The following ABCC1 variants were observed in gnomAD, a reference collection of about 807,000 sequenced individuals.
ABCC1 encodes the protein multidrug resistance-associated protein 1.
A neutral mutation model predicts 172.9 loss-of-function variants in ABCC1; 83 were observed. The observed-to-expected ratio is 0.48, with a 90% confidence interval of 0.40 to 0.58. The LOEUF (loss-of-function observed/expected upper bound fraction) is 0.58, where lower values mean the gene tolerates loss of function less well. Among genes scored for constraint, ABCC1 ranks in the 20% least tolerant of loss-of-function variants. The pLI, the probability that ABCC1 is intolerant of heterozygous loss-of-function variation, is 0.00. For missense variants in ABCC1, 1,817 were observed against 2,002.7 expected (o/e 0.91, Z 1.77); for synonymous variants, 937 against 825.2 (o/e 1.14, Z -2.32).
At chr16:15,977,756 T>C (rs1252488472) in intron 1 of ABCC1, among the ~76,000 whole-genome samples, 1 of 152,134 alleles carries the variant, frequency 6.6e-6, no homozygotes, top group Non-Finnish European at 1.5e-5. Flanking sequence ...CCAACCCTTC[T>C]TAGATTTTAC....
At chr16:16,138,695 T>G in intron 30 of ABCC1, 137 bp downstream of exon 30, 2 of 523,814 alleles carry the variant, frequency 3.8e-6, no homozygotes, top group Non-Finnish European at 6.1e-6. Flanking sequence ...CTCTTCATCC[T>G]GGATGGTACC....
At chr16:15,973,401 G>C (rs888074176) in intron 1 of ABCC1, among the ~76,000 whole-genome samples, 3 of 152,064 alleles carry the variant, frequency 2.0e-5, no homozygotes, top group Non-Finnish European at 4.4e-5. Flanking sequence ...TAGAGGCCAG[G>C]GGGTGTGCTA....
rs1227714035 is a variant in ABCC1, at chr16:16,038,575, T to G, written c.809+1972T>G. Among the ~76,000 whole-genome samples the G allele has an allele frequency of 3.9e-5, 6 of 152,168 alleles. No homozygotes were observed. The East Asian group carries it at 1.2e-3, about 29-fold the overall frequency. On this transcript the variant is annotated intron_variant, in intron 7 of 30. Coordinates refer to ENST00000399410, the MANE Select transcript of ABCC1 (RefSeq NM_004996.4). ...CACCCACATGGGGCGAGGATGGATCTTCCTTAGTCAGTCCACTCATTCAAA... is the reference window on the plus strand; with the variant it reads ...CACCCACATGGGGCGAGGATGGATCGTCCTTAGTCAGTCCACTCATTCAAA...
intron 12 of ABCC1, among the ~76,000 whole-genome samples, chr16:16,058,510 G>C (rs1221009027): frequency 1.3e-5 from 2 of 152,310 alleles, no homozygotes; most frequent in Admixed American, 1.3e-4. Context: ...AGCTGTTTCA[G>C]CATTTGCGAA....
chr16:16,098,382 G>A, intron 19 of ABCC1: 1 of 200,440 alleles, frequency 5.0e-6, no homozygotes, highest in South Asian at 1.0e-4. Context: ...ACTTTGGGAG[G>A]CCAAGGCAGG....
At chr16:16,019,393 C>G (rs953084318) in intron 5 of ABCC1, among the ~76,000 whole-genome samples, 1 of 152,098 alleles carries the variant, frequency 6.6e-6, no homozygotes, top group African/African-American at 2.4e-5. Context: ...TGTGAGCCAC[C>G]GTGTCTGGCC....
At chr16:16,047,836 C>T (rs1222867628) in intron 9 of ABCC1, among the ~76,000 whole-genome samples, 1 of 149,880 alleles carries the variant, frequency 6.7e-6, no homozygotes, top group African/African-American at 2.5e-5. Flanking sequence ...CCCCCCACCA[C>T]TCCCCCCAGA....
intron 28 of ABCC1, among the ~76,000 whole-genome samples, chr16:16,135,380 C>T (rs983970729): frequency 3.9e-5 from 6 of 152,172 alleles, no homozygotes; most frequent in Admixed American, 3.9e-4. Flanking sequence ...ACCATGAGTA[C>T]CCAGAGTTTA....
chr16:16,020,703 T>C (rs552072232), intron 5 of ABCC1, among the ~76,000 whole-genome samples: 4 of 152,176 alleles, frequency 2.6e-5, no homozygotes, highest in Non-Finnish European at 5.9e-5. Context: ...TTGTCCCCTT[T>C]CCATTTGCAG....
Position 16,121,885 on chromosome 16 carries a change from T to G in ABCC1, c.3391-90T>G, listed in dbSNP as rs1207082933. ...CATTTTGCCTCCTGGAGGTATCGGT[T>G]ACGTCTAGATGTTCTCCAGCACAGC... On this transcript the variant is annotated intron_variant, in intron 23 of 30. Transcript: ENST00000399410. The G allele has an allele frequency of 2.1e-6, 3 of 1,418,970 alleles. No individual in the cohort carries two copies. The African/African-American group carries it at 4.2e-5, about 20-fold the overall frequency. The allele number at this position is 1,418,970 out of a possible 1,614,324, so 87.9% of individuals were successfully genotyped here. A position where few individuals can be genotyped will look rare whatever the true frequency, so the allele number is the denominator to read the frequency against.
chr16:16,008,739 A>T lies in ABCC1; in HGVS notation c.225+747A>T, dbSNP rs942209899. Among the ~76,000 whole-genome samples, 10 of 148,694 alleles carry T rather than the reference A, an allele frequency of 6.7e-5. No individual in the cohort carries two copies. In the East Asian group the frequency reaches 8.2e-4, roughly 12 times the overall value. ...GTGCCTGTAATCTTAGCAACTTGGG[A>T]GGCTGAGGTGGGAGGATCCCTTGAA... is the stretch of plus-strand genomic sequence containing the variant. On this transcript the variant is annotated intron_variant, in intron 2 of 30. Coordinates refer to ENST00000399410, the MANE Select transcript of ABCC1 (RefSeq NM_004996.4).
intron 7 of ABCC1, among the ~76,000 whole-genome samples, chr16:16,042,408 A>G (rs2049012147): frequency 1.3e-5 from 2 of 152,174 alleles, no homozygotes; most frequent in South Asian, 4.1e-4. Flanking sequence ...GTGATGTACA[A>G]GAACGAACTA....
chr16:16,030,244 TG>T (rs1278471844), intron 5 of ABCC1, among the ~76,000 whole-genome samples: 4 of 152,158 alleles, frequency 2.6e-5, no homozygotes, highest in Non-Finnish European at 1.5e-5. Flanking sequence ...CATGTAAGGC[TG>T]GGCGCAGTGG....
At chr16:16,099,746 G>T (rs2283515) in intron 19 of ABCC1, among the ~76,000 whole-genome samples, 64,135 of 151,970 alleles carry the variant, frequency 0.42, 15,646 homozygotes, top group Non-Finnish European at 0.55. Flanking sequence ...CTGATTGACA[G>T]GCCCACCAAG....
chr16:16,126,676 C>T (rs1012637944), intron 26 of ABCC1, among the ~76,000 whole-genome samples: 2 of 152,114 alleles, frequency 1.3e-5, no homozygotes, highest in Non-Finnish European at 2.9e-5. Context: ...TGAGCCACTG[C>T]GCCTGGCCTG....
At chr16:16,103,403 A>G (rs2051867866) in intron 20 of ABCC1, among the ~76,000 whole-genome samples, 1 of 151,802 alleles carries the variant, frequency 6.6e-6, no homozygotes, top group Non-Finnish European at 1.5e-5. Flanking sequence ...AACATGATGA[A>G]ACCCTGTCTC....
At chr16:16,027,768 A>C (rs2048425527) in intron 5 of ABCC1, among the ~76,000 whole-genome samples, 1 of 152,140 alleles carries the variant, frequency 6.6e-6, no homozygotes, top group Non-Finnish European at 1.5e-5. Flanking sequence ...AGCTATGATT[A>C]CACTACCGTG....
intron 12 of ABCC1, among the ~76,000 whole-genome samples, chr16:16,057,747 G>C (rs1034056037): frequency 2.6e-5 from 4 of 152,000 alleles, no homozygotes; most frequent in Non-Finnish European, 4.4e-5. Context: ...GTCTTGGTTC[G>C]TTCATTCTGG....
rs149596915 is a variant in ABCC1, at chr16:16,103,673, G to A, written c.2735+956G>A. On this transcript the variant is annotated intron_variant, in intron 20 of 30. Transcript: ENST00000399410. ...AGTCGGAGCCTAAACGTATCAGACC[G>A]CGGAGATCTGAGAAAGGATCCCGGA... 2.4e-4 allele frequency among the ~76,000 whole-genome samples: 37 copies of A among 152,274 alleles called. No homozygotes were observed. The East Asian group carries it at 6.9e-3, about 29-fold the overall frequency.
Sources: allele counts gnomAD v4.1 joint callset (sites outside exome capture counted in the v4.1 genomes callset), GRCh38; gene constraint gnomAD v4.1.1; transcripts MANE v1.5; gene names NCBI Gene and HGNC (gene_info 2026-07-23, HGNC 2026-07-21).